CORO2B: variants seen among roughly 807,000 people sequenced by gnomAD.
The protein encoded by CORO2B is coronin 2B, also known as coronin-2B.
In CORO2B, 26 loss-of-function variants were observed where a neutral mutation model predicts 58.8. The observed-to-expected ratio is 0.44, with a 90% confidence interval of 0.32 to 0.61. CORO2B has a LOEUF of 0.61. Ranked by LOEUF, CORO2B falls within the 20% of genes least tolerant of loss-of-function variation. The probability of loss-of-function intolerance (pLI) is 0.04; values close to 1 mark genes in which losing one functional copy is unlikely to be tolerated. For synonymous variants in CORO2B, 242 were observed against 253.8 expected (o/e 0.95, Z 0.44); for missense variants, 460 against 645.1 (o/e 0.71, Z 3.11).
intron 11 of CORO2B, 23 bp from the exon 12 acceptor site, chr15:68,725,820 C>A (rs759453814): frequency 3.7e-6 from 6 of 1,612,168 alleles, no homozygotes; most frequent in East Asian, 2.2e-5. Flanking sequence ...CCCTCCTTGG[C>A]CCCCTCTCTT....
chr15:68,688,862 C>G (rs1892287454), intron 2 of CORO2B, among the ~76,000 whole-genome samples: 1 of 152,134 alleles, frequency 6.6e-6, no homozygotes, highest in African/African-American at 2.4e-5. Flanking sequence ...GAGGTTCTGT[C>G]AAATGGATCT....
intron 2 of CORO2B, among the ~76,000 whole-genome samples, chr15:68,649,967 C>T (rs1046294179): frequency 1.3e-5 from 2 of 152,116 alleles, no homozygotes; most frequent in African/African-American, 4.8e-5. Context: ...TAAATGGTCT[C>T]GGGGATCTCC....
chr15:68,641,686 C>G, intron 1 of CORO2B: 1 of 666,608 alleles, frequency 1.5e-6, no homozygotes, highest in Non-Finnish European at 1.9e-6. Context: ...TGGCTCCTCC[C>G]AAGCCCTTGG....
chr15:68,707,951 T>G (rs1262863451), intron 3 of CORO2B, among the ~76,000 whole-genome samples: 1 of 144,130 alleles, frequency 6.9e-6, no homozygotes, highest in African/African-American at 2.5e-5. Flanking sequence ...ATTCCCCCCC[T>G]CCCACCATCT....
At chr15:68,699,726 G>A (rs992188891) in intron 3 of CORO2B, among the ~76,000 whole-genome samples, 1 of 152,170 alleles carries the variant, frequency 6.6e-6, no homozygotes, top group Non-Finnish European at 1.5e-5. Context: ...TCTCCTGGAG[G>A]ACGTGCTCTG....
chr15:68,678,735 T>C (rs1226870713), intron 2 of CORO2B, among the ~76,000 whole-genome samples: 1 of 152,188 alleles, frequency 6.6e-6, no homozygotes, highest in African/African-American at 2.4e-5. Flanking sequence ...GCAGGTGGCA[T>C]AGCCAGCACC....
At chr15:68,578,563 C>G (rs1191755384), upstream of CORO2B, among the ~76,000 whole-genome samples, 5 of 152,222 alleles carry the variant, frequency 3.3e-5, no homozygotes, top group Admixed American at 3.3e-4. The surrounding 1 kb of genome is among the most constrained non-coding windows in gnomAD (Gnocchi z 4.2). Flanking sequence ...CCCTCCCAGC[C>G]CGCCGCGCCA....
chr15:68,546,939 T>A, the CORO2B span, among the ~76,000 whole-genome samples: 3 of 152,200 alleles, frequency 2.0e-5, no homozygotes, highest in Non-Finnish European at 4.4e-5. Flanking sequence ...TACGTACCAA[T>A]GGATTTGAAA....
At chr15:68,548,150 A>G in the CORO2B span, among the ~76,000 whole-genome samples, 6 of 150,242 alleles carry the variant, frequency 4.0e-5, no homozygotes, top group Non-Finnish European at 8.9e-5. Flanking sequence ...CAGCCTGGGC[A>G]ACAGAGCAGG....
chr15:68,725,144 G>A (rs1221415604), intron 11 of CORO2B, among the ~76,000 whole-genome samples: 1 of 152,140 alleles, frequency 6.6e-6, no homozygotes, highest in Admixed American at 6.5e-5. Context: ...TGAGGTGGGT[G>A]GATCTCTTGA....
At chr15:68,641,285 A>G (rs1901215488) in intron 1 of CORO2B, among the ~76,000 whole-genome samples, 1 of 152,184 alleles carries the variant, frequency 6.6e-6, no homozygotes, top group African/African-American at 2.4e-5. Context: ...CCCAGGATGC[A>G]GCATCCAGCT....
chr15:68,581,072 A>C (rs944234164), intron 1 of CORO2B, among the ~76,000 whole-genome samples: 3 of 152,136 alleles, frequency 2.0e-5, no homozygotes, highest in Non-Finnish European at 4.4e-5. Flanking sequence ...GGGGACTTCC[A>C]TGGTAGAGGA....
intron 2 of CORO2B, among the ~76,000 whole-genome samples, chr15:68,654,140 CT>C (rs1697659962): frequency 1.3e-5 from 2 of 152,208 alleles, no homozygotes; most frequent in African/African-American, 4.8e-5. Flanking sequence ...TGACAGCTTG[CT>C]TTGTGTTTTT....
intron 1 of CORO2B, among the ~76,000 whole-genome samples, chr15:68,592,484 C>T (rs964834652): frequency 6.6e-6 from 1 of 151,908 alleles, no homozygotes; most frequent in East Asian, 1.9e-4. Flanking sequence ...GGAGTGATGG[C>T]GGTTACATGA....
intron 2 of CORO2B, among the ~76,000 whole-genome samples, chr15:68,667,038 G>A (rs2140291908): frequency 6.6e-6 from 1 of 152,156 alleles, no homozygotes; most frequent in Non-Finnish European, 1.5e-5. Flanking sequence ...TCGACAAACA[G>A]GCCCTAGGCT....
intron 1 of CORO2B, among the ~76,000 whole-genome samples, chr15:68,644,831 C>T (rs1017025453): frequency 3.3e-5 from 5 of 152,176 alleles, no homozygotes; most frequent in East Asian, 3.9e-4. Flanking sequence ...GTTCTTGCTT[C>T]GCTCTATCAC....
chr15:68,549,099 A>G, the CORO2B span, among the ~76,000 whole-genome samples: 4 of 152,206 alleles, frequency 2.6e-5, no homozygotes, highest in Non-Finnish European at 4.4e-5. Context: ...TACGTGAGCA[A>G]TACAGAATCT....
the CORO2B span, among the ~76,000 whole-genome samples, chr15:68,551,890 C>G: frequency 6.6e-6 from 1 of 151,926 alleles, no homozygotes; most frequent in African/African-American, 2.4e-5. Context: ...GAAGTGAGGC[C>G]CAGAACCGAT....
chr15:68,524,233 A>G, the CORO2B span, among the ~76,000 whole-genome samples: 1 of 152,184 alleles, frequency 6.6e-6, no homozygotes, highest in African/African-American at 2.4e-5. Context: ...AAAAAAGAAA[A>G]GAAAAAATTC....
Sources: allele counts gnomAD v4.1 joint callset (sites outside exome capture counted in the v4.1 genomes callset), GRCh38; gene constraint gnomAD v4.1.1; non-coding constraint Gnocchi (gnomAD v3.1); transcripts MANE v1.5; gene names NCBI Gene and HGNC (gene_info 2026-07-23, HGNC 2026-07-21).